Variants in PTPRM observed in about 807,000 individuals in gnomAD.
The protein encoded by PTPRM is protein tyrosine phosphatase receptor type M, also known as receptor-type tyrosine-protein phosphatase mu.
A neutral mutation model predicts 186.7 loss-of-function variants in PTPRM; 47 were observed. The observed-to-expected ratio is 0.25, with a 90% CI of 0.20 to 0.32. The LOEUF (loss-of-function observed/expected upper bound fraction) is 0.32, where lower values mean the gene tolerates loss of function less well. Ranked by LOEUF, PTPRM falls within the 10% of genes least tolerant of loss-of-function variation. The probability of loss-of-function intolerance (pLI) is 1.00; values close to 1 mark genes in which losing one functional copy is unlikely to be tolerated. For missense variants in PTPRM, 1,494 were observed against 1,865.0 expected, an observed-to-expected ratio of 0.80 and a Z score of 3.66; for synonymous variants, 668 against 674.9, an observed-to-expected ratio of 0.99 and a Z score of 0.16.
intron 1 of PTPRM, among the ~76,000 whole-genome samples, chr18:7,694,446 C>CT (rs1467044168): frequency 2.0e-5 from 1 of 51,266 alleles, no homozygotes; most frequent in African/African-American, 1.4e-4. Flanking sequence ...TTTTTTTTTT[C>CT]GACAGAGTCT....
At chr18:8,151,916 C>A (rs532290036) in intron 14 of PTPRM, among the ~76,000 whole-genome samples, 223 of 152,100 alleles carry the variant, frequency 1.5e-3, no homozygotes, top group Admixed American at 2.4e-3. Context: ...AAAGAAATTC[C>A]CCGACCCCTT....
chr18:7,852,640 G>A (rs961241970), intron 2 of PTPRM, among the ~76,000 whole-genome samples: 14 of 152,050 alleles, frequency 9.2e-5, no homozygotes, highest in South Asian at 2.1e-4. Flanking sequence ...AGCCAAGATC[G>A]TGCCACTGCA....
At chr18:7,952,751 A>T (rs2053054563) in intron 6 of PTPRM, among the ~76,000 whole-genome samples, 1 of 152,110 alleles carries the variant, frequency 6.6e-6, no homozygotes, top group African/African-American at 2.4e-5. Flanking sequence ...CATGCCTATA[A>T]TCCCAGCACT....
chr18:8,248,437 C>T, intron 17 of PTPRM: 1 of 538,732 alleles, frequency 1.9e-6, no homozygotes, highest in Non-Finnish European at 3.4e-6. Context: ...CCCCAATATT[C>T]TCCCTTTCTG....
At chr18:8,032,483 GAAA>G (rs1480161829) in intron 7 of PTPRM, among the ~76,000 whole-genome samples, 3 of 151,924 alleles carry the variant, frequency 2.0e-5, no homozygotes, top group Non-Finnish European at 4.4e-5. Context: ...AATCTAACTA[GAAA>G]TACTACAATA....
chr18:7,599,419 T>A (rs1444880882), intron 1 of PTPRM, among the ~76,000 whole-genome samples: 2 of 152,190 alleles, frequency 1.3e-5, no homozygotes, highest in Non-Finnish European at 2.9e-5. Flanking sequence ...ATTCTTTAAT[T>A]TGTCTCTACA....
At chr18:8,171,462 G>A (rs1467332358) in intron 14 of PTPRM, among the ~76,000 whole-genome samples, 1 of 152,138 alleles carries the variant, frequency 6.6e-6, no homozygotes, top group African/African-American at 2.4e-5. Flanking sequence ...TGAGAAATGA[G>A]GAAATGTCAC....
At chr18:8,309,374 G>C (rs966460106) in intron 20 of PTPRM, among the ~76,000 whole-genome samples, 1 of 152,052 alleles carries the variant, frequency 6.6e-6, no homozygotes, top group Non-Finnish European at 1.5e-5. Context: ...GTATCTCATT[G>C]TAAGCTGGGC....
At position 8,069,729 on chromosome 18, in the gene PTPRM, A is replaced by G. The variant is rs1373854184; in HGVS notation, c.1176A>G (p.Lys392=). 6.2e-7 allele frequency: 1 copy of G among 1,614,002 alleles called. No homozygotes were observed. The highest frequency in any genetic ancestry group is 8.5e-7 in the Non-Finnish European group (1 of 1,179,846). The change falls in exon 8 of 33, where the codon AAA becomes AAG. Residue 392 remains lysine, a synonymous_variant. Transcript: ENST00000580170. The part of the protein sequence containing the change: ...GPRKLEVVEV[K]SRQITIRWEP... ...GAAAACTAGAAGTAGTGGAGGTCAA[A>G]TCTCGGCAAATCACTATCCGCTGGG...
chr18:7,816,975 ATTT>A (rs71354570), intron 2 of PTPRM, among the ~76,000 whole-genome samples: 12 of 138,598 alleles, frequency 8.7e-5, no homozygotes, highest in African/African-American at 2.2e-4. Context: ...TAGTTAATTA[ATTT>A]TTTTTTTTTT....
intron 3 of PTPRM, among the ~76,000 whole-genome samples, chr18:7,904,445 G>A (rs913006246): frequency 5.9e-5 from 9 of 151,982 alleles, no homozygotes; most frequent in Non-Finnish European, 8.8e-5. Context: ...TCCTACCCCT[G>A]GCAACCACTA....
chr18:7,953,910 A>C (rs2053140816), intron 6 of PTPRM, among the ~76,000 whole-genome samples: 1 of 152,194 alleles, frequency 6.6e-6, no homozygotes, highest in South Asian at 2.1e-4. Flanking sequence ...TTTTCCGTGC[A>C]TTTGTATGAG....
chr18:8,206,199 AG>A (rs1040672300), intron 14 of PTPRM, among the ~76,000 whole-genome samples: 2 of 152,058 alleles, frequency 1.3e-5, no homozygotes, highest in Non-Finnish European at 2.9e-5. Context: ...GAGTGAGATG[AG>A]GGGGAGAGAG....
chr18:7,937,727 AT>A (rs1306020269), intron 5 of PTPRM, among the ~76,000 whole-genome samples: 1 of 152,246 alleles, frequency 6.6e-6, no homozygotes, highest in Non-Finnish European at 1.5e-5. Flanking sequence ...GTCTAGGTCT[AT>A]CAGTCACTTA....
At chr18:7,888,015 A>G in intron 2 of PTPRM, 91 bp from the exon 3 acceptor site, 2 of 1,476,810 alleles carry the variant, frequency 1.4e-6, no homozygotes, top group Non-Finnish European at 1.9e-6. Flanking sequence ...ATGGAATTGC[A>G]GTGCCAACCC....
At chr18:8,335,927 C>T (rs531063360) in intron 22 of PTPRM, among the ~76,000 whole-genome samples, 1 of 152,262 alleles carries the variant, frequency 6.6e-6, no homozygotes, top group South Asian at 2.1e-4. Flanking sequence ...GAGGTTGAGC[C>T]AGGAGAATCA....
intron 2 of PTPRM, among the ~76,000 whole-genome samples, chr18:7,825,671 C>T (rs564352285): frequency 2.6e-5 from 4 of 152,218 alleles, no homozygotes; most frequent in Middle Eastern, 6.8e-3. Context: ...GACATACAAG[C>T]CCCGAGGCTC....
At chr18:8,348,535 G>A (rs151277200) in intron 23 of PTPRM, among the ~76,000 whole-genome samples, 20 of 152,308 alleles carry the variant, frequency 1.3e-4, no homozygotes, top group African/African-American at 4.6e-4. Flanking sequence ...TTGAAATGGC[G>A]CTGGAACGTG....
At chr18:8,224,149 A>T (rs141800382) in intron 14 of PTPRM, among the ~76,000 whole-genome samples, 6 of 152,332 alleles carry the variant, frequency 3.9e-5, no homozygotes, top group African/African-American at 1.4e-4. Flanking sequence ...TACAATGCTA[A>T]TTAGTTAGAG....
Sources: allele counts gnomAD v4.1 joint callset (sites outside exome capture counted in the v4.1 genomes callset), GRCh38; gene constraint gnomAD v4.1.1; transcripts MANE v1.5; gene names NCBI Gene and HGNC (gene_info 2026-07-23, HGNC 2026-07-21).